Variants in NID1 observed in about 807,000 individuals in gnomAD.
NID1 encodes the protein nidogen 1, also known as nidogen-1.
In NID1, 76 loss-of-function variants were observed where a neutral mutation model predicts 130.6. That is an observed-to-expected ratio of 0.58 (90% CI 0.48 to 0.70). NID1 has a LOEUF of 0.70. Ranked by LOEUF, NID1 falls within the 30% of genes least tolerant of loss-of-function variation. The pLI, the probability that NID1 is intolerant of heterozygous loss-of-function variation, is 0.00. For synonymous variants in NID1, 665 were observed against 675.1 expected (o/e 0.98, Z 0.23); for missense variants, 1,517 against 1,664.8 (o/e 0.91, Z 1.54).
intron 12 of NID1, among the ~76,000 whole-genome samples, chr1:236,004,749 G>A (rs546489295): frequency 7.2e-4 from 83 of 115,480 alleles, no homozygotes; most frequent in African/African-American, 2.5e-3. Flanking sequence ...GCAACAGAGC[G>A]AGACTCTGTC....
At chr1:236,049,486 G>A (rs573367427) in intron 1 of NID1, among the ~76,000 whole-genome samples, 1 of 151,662 alleles carries the variant, frequency 6.6e-6, no homozygotes, top group African/African-American at 2.4e-5. Flanking sequence ...TCTCAAAAAA[G>A]AAAAAGAAAG....
chr1:235,981,361 C>T (rs1029342214), intron 16 of NID1, among the ~76,000 whole-genome samples: 1 of 152,186 alleles, frequency 6.6e-6, no homozygotes, highest in African/African-American at 2.4e-5. Context: ...TATCCAATTT[C>T]TGAGCATGCC....
At chr1:236,017,000 G>T in intron 10 of NID1, 148 bp downstream of exon 10, 1 of 961,840 alleles carries the variant, frequency 1.0e-6, no homozygotes. Context: ...TTGGAGGGCA[G>T]AGGCTAAGTC....
At chr1:236,024,509 G>A (rs1431896692) in intron 8 of NID1, among the ~76,000 whole-genome samples, 1 of 152,254 alleles carries the variant, frequency 6.6e-6, no homozygotes, top group Non-Finnish European at 1.5e-5. Context: ...AGACTGTATA[G>A]CCAGCAAAAC....
chr1:235,996,897 C>T (rs950926332), intron 12 of NID1, among the ~76,000 whole-genome samples: 56 of 152,038 alleles, frequency 3.7e-4, no homozygotes, highest in African/African-American at 1.3e-3. Flanking sequence ...TGCAGTGGCG[C>T]GATCTCGGCT....
In NID1 at chr1:235,976,732, A is replaced by G. The variant is rs1657265855; in HGVS notation, c.*1135T>C. 6.6e-6 allele frequency: 1 copy of G among 152,242 alleles called. No homozygotes were observed. Among genetic ancestry groups the G allele is most frequent in the African/African-American group, 2.4e-5 (1 of 41,474 alleles). 9.4% of individuals were successfully genotyped at this position (152,242 alleles called of 1,614,324 possible). A position where few individuals can be genotyped will look rare whatever the true frequency, so the allele number is the denominator to read the frequency against. ...GATCATTGAGCAATAAAGGATATGAACCATTAGTATAAATATTCAATTCAG... is the reference window on the plus strand; with the variant it reads ...GATCATTGAGCAATAAAGGATATGAGCCATTAGTATAAATATTCAATTCAG... On this transcript the variant is annotated 3_prime_UTR_variant, in exon 20 of 20. Coordinates refer to ENST00000264187, the MANE Select transcript of NID1 (RefSeq NM_002508.3).
chr1:236,005,270 T>C (rs1416235859), intron 12 of NID1, among the ~76,000 whole-genome samples: 1 of 151,910 alleles, frequency 6.6e-6, no homozygotes, highest in African/African-American at 2.4e-5. Context: ...CAAAAGCAAA[T>C]TGCAATGCTT....
intron 9 of NID1, among the ~76,000 whole-genome samples, chr1:236,023,579 G>C (rs1426081418): frequency 2.0e-5 from 3 of 152,058 alleles, no homozygotes; most frequent in Non-Finnish European, 1.5e-5. Context: ...CCACTGAACT[G>C]TACACTTAAA....
At chr1:236,047,110 CAAAACAAAAACA>C (rs374962500) in intron 2 of NID1, among the ~76,000 whole-genome samples, 1,719 of 151,936 alleles carry the variant, frequency 0.011, 47 homozygotes, top group African/African-American at 0.04. Flanking sequence ...GACTCTGTCT[CAAAACAAAAACA>C]AAAACAAAAA....
chr1:236,013,393 A>T lies in NID1; in HGVS notation c.2404+18T>A. On this transcript the variant is annotated intron_variant, in intron 11 of 19. Coordinates refer to ENST00000264187, the MANE Select transcript of NID1 (RefSeq NM_002508.3). ...TTTCTCAGGTTACACACAGGGGAAG[A>T]TCAGAGCAACCACACACCTTGGCAG... The T allele has an allele frequency of 1.9e-6, 3 of 1,613,410 alleles. No individual in the cohort carries two copies. Among genetic ancestry groups the T allele is most frequent in the South Asian group, 2.2e-5 (2 of 91,048 alleles).
At chr1:235,997,924 T>G (rs1444734460) in intron 12 of NID1, among the ~76,000 whole-genome samples, 1 of 152,142 alleles carries the variant, frequency 6.6e-6, no homozygotes, top group African/African-American at 2.4e-5. Flanking sequence ...CCATTACTTC[T>G]GGTGTCACCT....
intron 5 of NID1, among the ~76,000 whole-genome samples, chr1:236,037,241 G>T (rs996346269): frequency 6.6e-6 from 1 of 152,152 alleles, no homozygotes; most frequent in Non-Finnish European, 1.5e-5. Context: ...CTGTAACCAC[G>T]CTATGACTTC....
intron 6 of NID1, among the ~76,000 whole-genome samples, chr1:236,031,687 G>C (rs1659106619): frequency 6.6e-6 from 1 of 152,150 alleles, no homozygotes; most frequent in South Asian, 2.1e-4. Context: ...AGCGATGAAG[G>C]ACACAGACTC....
At chr1:236,048,136 A>C (rs930820731) in intron 2 of NID1, among the ~76,000 whole-genome samples, 3 of 150,836 alleles carry the variant, frequency 2.0e-5, no homozygotes, top group African/African-American at 7.3e-5. Flanking sequence ...GATAGAGACC[A>C]TCCTGGCTAA....
chr1:235,981,475 C>T, intron 16 of NID1, 136 bp downstream of exon 16: 1 of 932,742 alleles, frequency 1.1e-6, no homozygotes. Context: ...TACAAGTCAC[C>T]AAAACTGTAG....
At chr1:236,025,338 T>A (rs1658895680) in intron 8 of NID1, among the ~76,000 whole-genome samples, 1 of 150,990 alleles carries the variant, frequency 6.6e-6, no homozygotes. Context: ...CTCGGCTGAC[T>A]ACAACCTCTG....
At chr1:236,052,843 G>A (rs1659799896) in intron 1 of NID1, among the ~76,000 whole-genome samples, 1 of 152,206 alleles carries the variant, frequency 6.6e-6, no homozygotes, top group African/African-American at 2.4e-5. Flanking sequence ...ACACTGAGCT[G>A]CTGGGATGGG....
In NID1 at chr1:235,985,368, T is replaced by G; in HGVS notation, c.3055+11A>C. 1 of 1,613,916 alleles carries G rather than the reference T, an allele frequency of 6.2e-7. No individual in the cohort carries two copies. The highest frequency in any genetic ancestry group is 8.5e-7 in the Non-Finnish European group (1 of 1,179,878). On this transcript the variant is annotated intron_variant, in intron 15 of 19. Coordinates refer to ENST00000264187, the MANE Select transcript of NID1 (RefSeq NM_002508.3). The stretch of plus-strand genomic sequence containing the variant: ...AAAACCAAAAAGGAAAAATGATATT[T>G]GCTTACTTACCTTGTCTAATGATGG...
intron 3 of NID1, among the ~76,000 whole-genome samples, chr1:236,043,482 T>C (rs1214936694): frequency 3.3e-5 from 5 of 152,082 alleles, no homozygotes; most frequent in African/African-American, 1.2e-4. Context: ...AGTGAAAACA[T>C]TGCAGACGTG....
Sources: allele counts gnomAD v4.1 joint callset (sites outside exome capture counted in the v4.1 genomes callset), GRCh38; gene constraint gnomAD v4.1.1; transcripts MANE v1.5; gene names NCBI Gene and HGNC (gene_info 2026-07-23, HGNC 2026-07-21).